The following ACTR10 variants were observed in gnomAD, a reference collection of about 807,000 sequenced individuals.
ACTR10 encodes actin-related protein 10.
ACTR10 carries 43 observed loss-of-function variants against 56.2 expected under a neutral mutation model. The observed-to-expected ratio is 0.77, with a 90% CI of 0.60 to 0.99. The LOEUF is 0.99. Among genes scored for constraint, ACTR10 ranks in the 50% least tolerant of loss-of-function variants. The pLI, the probability that ACTR10 is intolerant of heterozygous loss-of-function variation, is 0.00. For synonymous variants in ACTR10, 170 were observed against 176.3 expected (o/e 0.96, Z 0.28); for missense variants, 466 against 507.8 (o/e 0.92, Z 0.79).
At chr14:58,212,801 T>C (rs920847595) in intron 5 of ACTR10, among the ~76,000 whole-genome samples, 6 of 152,144 alleles carry the variant, frequency 3.9e-5, no homozygotes, top group African/African-American at 1.4e-4. Context: ...TGTAGAAATA[T>C]AATGTGGACC....
At chr14:58,233,515 A>G (rs553364974) in intron 12 of ACTR10, among the ~76,000 whole-genome samples, 1 of 152,352 alleles carries the variant, frequency 6.6e-6, no homozygotes, top group African/African-American at 2.4e-5. Context: ...AAATATATAT[A>G]CAGATACTGG....
rs1184286556 is a variant in ACTR10 at position 58,235,558 on chromosome 14, G to A, written c.*1007G>A. 8 of 152,140 alleles carry A rather than the reference G, an allele frequency of 5.3e-5. No individual in the cohort carries two copies. The highest frequency in any genetic ancestry group is 5.2e-4 in the Admixed American group (8 of 15,260). The allele number at this position is 152,140 out of a possible 1,614,324, so 9.4% of individuals were successfully genotyped here. A position where few individuals can be genotyped will look rare whatever the true frequency, so the allele number is the denominator to read the frequency against. On this transcript the variant is annotated 3_prime_UTR_variant, in exon 13 of 13. Transcript: ENST00000254286. ...TGCTTTATATCTTCTCAGGGCAGAG[G>A]TTCTTGAAATATGTACTCAATCATT...
At chr14:58,215,628 G>A (rs986131079) in intron 7 of ACTR10, among the ~76,000 whole-genome samples, 1 of 151,898 alleles carries the variant, frequency 6.6e-6, no homozygotes, top group Non-Finnish European at 1.5e-5. Flanking sequence ...TATTCGACTA[G>A]GGATCTAGTG....
intron 10 of ACTR10, among the ~76,000 whole-genome samples, chr14:58,228,399 G>T (rs372537073): frequency 6.6e-6 from 1 of 152,134 alleles, no homozygotes; most frequent in South Asian, 2.1e-4. Context: ...CGGGCAGATC[G>T]CTTGAGGCCA....
intron 6 of ACTR10, among the ~76,000 whole-genome samples, chr14:58,214,314 A>G (rs1199208511): frequency 1.3e-5 from 2 of 152,098 alleles, no homozygotes; most frequent in Non-Finnish European, 2.9e-5. Context: ...AATGATCTCC[A>G]GTTCCATCAA....
At position 58,231,020 on chromosome 14, in the gene ACTR10, G is replaced by A. The variant is rs958891240; in HGVS notation, c.870+540G>A. 75 of 302,124 alleles carry A rather than the reference G, an allele frequency of 2.5e-4. 1 individual carries two copies. Among genetic ancestry groups the A allele is most frequent in the African/African-American group, 1.6e-3 (74 of 44,976 alleles). The allele number at this position is 302,124 out of a possible 1,614,324, so 18.7% of individuals were successfully genotyped here. ...GATCCGCCCGCCTCGGCCTCCCAAA[G>A]TGCTGGGATTACAAGCGTGAGCCAC... is the stretch of plus-strand genomic sequence containing the variant. On this transcript the variant is annotated intron_variant, in intron 11 of 12. Coordinates refer to ENST00000254286, the MANE Select transcript of ACTR10 (RefSeq NM_018477.3).
chr14:58,203,696 C>A (rs905578992), intron 2 of ACTR10, among the ~76,000 whole-genome samples: 1 of 152,058 alleles, frequency 6.6e-6, no homozygotes, highest in Middle Eastern at 3.4e-3. Flanking sequence ...GATATTTATT[C>A]CCTTATTTAC....
chr14:58,210,368 C>T (rs1412001231), intron 4 of ACTR10, among the ~76,000 whole-genome samples: 1 of 152,040 alleles, frequency 6.6e-6, no homozygotes, highest in African/African-American at 2.4e-5. Context: ...TGGTGGCATG[C>T]ACCTGTAGTC....
intron 5 of ACTR10, among the ~76,000 whole-genome samples, chr14:58,212,737 G>A (rs142073262): frequency 6.9e-4 from 105 of 152,256 alleles, no homozygotes; most frequent in African/African-American, 2.4e-3. Context: ...GCTCTTACCA[G>A]TATACTTAGC....
chr14:58,213,740 A>G, intron 6 of ACTR10, 42 bp downstream of exon 6: 2 of 1,492,194 alleles, frequency 1.3e-6, no homozygotes, highest in Non-Finnish European at 1.9e-6. Context: ...CACCTGTGCC[A>G]CAAAAACAGT....
At position 58,234,409 on chromosome 14, in the gene ACTR10, G is replaced by T; in HGVS notation, c.1112G>T (p.Arg371Leu). The T allele has an allele frequency of 6.2e-7, 1 of 1,607,784 alleles. No individual in the cohort carries two copies. The highest frequency in any genetic ancestry group is 8.5e-7 in the Non-Finnish European group (1 of 1,176,196). Residue 371 changes from arginine to leucine, a missense_variant, in exon 13 of 13, where the codon CGT (arginine) becomes CTT (leucine). Coordinates refer to ENST00000254286, the MANE Select transcript of ACTR10 (RefSeq NM_018477.3). ...FGALQDILGS[R>L]SVSKEYYNQT... ...GCATTACAAGATATACTTGGGAGCC[G>T]TTCTGTTTCAAAGGAATATTATAAT...
At position 58,232,460 on chromosome 14, in the gene ACTR10, T is replaced by G. The variant is rs548354330; in HGVS notation, c.1072+193T>G. 1.3e-4 allele frequency among the ~76,000 whole-genome samples: 16 copies of G among 126,322 alleles called. No individual in the cohort carries two copies. In the South Asian group the frequency reaches 4.3e-3, roughly 34 times the overall value. The allele number at this position is 126,322 out of a possible 152,430, so 82.9% of individuals were successfully genotyped here. A position where few individuals can be genotyped will look rare whatever the true frequency, so the allele number is the denominator to read the frequency against. On this transcript the variant is annotated intron_variant, in intron 12 of 12. Coordinates refer to ENST00000254286, the MANE Select transcript of ACTR10 (RefSeq NM_018477.3). ...ACGGAGTCTCACTCTGTCGCCAGGC[T>G]GGAGTGCAGTGGTGGTGCGATCTCG...
chr14:58,219,605 T>C, intron 7 of ACTR10, 89 bp from the exon 8 acceptor site: 1 of 824,984 alleles, frequency 1.2e-6, no homozygotes, highest in East Asian at 3.4e-5. Flanking sequence ...AAATTTTTTC[T>C]AAATTGAAAA....
Position 58,215,239 on chromosome 14 carries a change from G to C in ACTR10, c.553G>C (p.Val185Leu). ...AACTCAACTATTGGAACAATGTACT[G>C]TTGACACAAGTGTTGCTAAAGAACA... Reference protein sequence around the residue: ...LETQLLEQCTVDTSVAKEQSL... With the variant: ...LETQLLEQCTLDTSVAKEQSL... The change falls in exon 7 of 13, where the codon GTT (valine) becomes CTT (leucine). Residue 185 changes from valine to leucine, a missense_variant. Coordinates refer to ENST00000254286, the MANE Select transcript of ACTR10 (RefSeq NM_018477.3). 6.2e-7 allele frequency: 1 copy of C among 1,609,416 alleles called. No individual in the cohort carries two copies. The highest frequency in any genetic ancestry group is 8.5e-7 in the Non-Finnish European group (1 of 1,177,854).
At position 58,202,898 on chromosome 14, in the gene ACTR10, A is replaced by G; in HGVS notation, c.121A>G (p.Ser41Gly). 2 of 1,607,220 alleles carry G rather than the reference A, an allele frequency of 1.2e-6. No homozygotes were observed. The change falls in exon 2 of 13, where the codon AGT becomes GGT. Residue 41 changes from serine to glycine, a missense_variant. Coordinates refer to ENST00000254286, the MANE Select transcript of ACTR10 (RefSeq NM_018477.3). ...AACTGGTCCAAGATGTATAATTCCTAGTGTGATAAAAAGAGCTGGGATGCC... is the reference window on the plus strand; with the variant it reads ...AACTGGTCCAAGATGTATAATTCCTGGTGTGATAAAAAGAGCTGGGATGCC... ...GETGPRCIIPSVIKRAGMPKP... is the reference protein window; with the variant it reads ...GETGPRCIIPGVIKRAGMPKP...
chr14:58,208,533 G>A (rs1888920114), intron 3 of ACTR10, among the ~76,000 whole-genome samples: 1 of 151,934 alleles, frequency 6.6e-6, no homozygotes, highest in South Asian at 2.1e-4. Flanking sequence ...AGCTTTGTGA[G>A]CATATATTAC....
chr14:58,223,579 T>G (rs1393445565), intron 8 of ACTR10, 43 bp from the exon 9 acceptor site: 1 of 1,502,158 alleles, frequency 6.7e-7, no homozygotes, highest in Non-Finnish European at 9.1e-7. Context: ...TCTGTTCAAT[T>G]ATAATAACTA....
At chr14:58,230,911 C>T (rs1489336662) in intron 11 of ACTR10, among the ~76,000 whole-genome samples, 1 of 152,060 alleles carries the variant, frequency 6.6e-6, no homozygotes. Flanking sequence ...CAGGCACCCA[C>T]CACCTTGCCC....
In ACTR10 at chr14:58,232,156, G is replaced by C; in HGVS notation, c.961G>C (p.Ala321Pro). ...GCCAGGATTTCTCCACAGATTGCTT[G>C]CAGAAATAAGGTATTTGGTAGAAAA... ...MLPGFLHRLL[A>P]EIRYLVEKPK... Residue 321 changes from alanine to proline, a missense_variant, in exon 12 of 13, where the codon GCA (alanine) becomes CCA (proline). By Grantham distance (27) the Ala-to-Pro change is conservative. Transcript: ENST00000254286. 1 of 1,613,842 alleles carries C rather than the reference G, an allele frequency of 6.2e-7. No homozygotes were observed.
Sources: allele counts gnomAD v4.1 joint callset (sites outside exome capture counted in the v4.1 genomes callset), GRCh38; gene constraint gnomAD v4.1.1; transcripts MANE v1.5; gene names NCBI Gene and HGNC (gene_info 2026-07-23, HGNC 2026-07-21).